The following ARHGAP39 variants were observed in gnomAD, a reference collection of about 807,000 sequenced individuals.
ARHGAP39 encodes Rho GTPase activating protein 39.
In ARHGAP39, 44 loss-of-function variants were observed where a neutral mutation model predicts 106.9. The ratio of observed to expected loss-of-function variants is 0.41; its 90% confidence interval spans 0.32 to 0.53. ARHGAP39 has a LOEUF of 0.53. Ranked by LOEUF, ARHGAP39 falls within the 20% of genes least tolerant of loss-of-function variation. The pLI is 0.21. For missense variants in ARHGAP39, 1,496 were observed against 1,577.3 expected, an observed-to-expected ratio of 0.95 and a Z score of 0.87; for synonymous variants, 768 against 693.2, an observed-to-expected ratio of 1.11 and a Z score of -1.69.
At chr8:144,654,311 C>A (rs926899899) in intron 1 of ARHGAP39, among the ~76,000 whole-genome samples, 2 of 151,720 alleles carry the variant, frequency 1.3e-5, no homozygotes, top group African/African-American at 4.8e-5. Flanking sequence ...GTGGGACCAG[C>A]CTGGGCAACA....
rs1818974764 is a variant in ARHGAP39, at chr8:144,581,190, C to T, written c.168G>A (p.Pro56=). Residue 56 remains proline (P), a synonymous_variant, in exon 3 of 12, where the codon CCG becomes CCA. Transcript: ENST00000377307. ...LVTGECVWDP[P]AGVRIKRTSE... is the part of the protein sequence containing the mutation. ...TGGTGCGCTTGATGCGGACGCCGGC[C>T]GGCGGGTCCCACACGCACTCACCGG... The T allele has an allele frequency of 6.4e-6, 10 of 1,559,598 alleles. No individual in the cohort carries two copies. The highest frequency in any genetic ancestry group is 8.7e-6 in the Non-Finnish European group (10 of 1,152,376).
At position 144,560,557 on chromosome 8, in the gene ARHGAP39, G is replaced by A. The variant is rs567457644; in HGVS notation, c.513-4914C>T. Among the ~76,000 whole-genome samples the A allele has an allele frequency of 8.5e-5, 13 of 152,350 alleles. No homozygotes were observed. The South Asian group carries it at 2.7e-3, about 32-fold the overall frequency. On this transcript the variant is annotated intron_variant, in intron 3 of 11. Transcript: ENST00000377307. ...TAGAAATATGGAATATGCCGAGATG[G>A]AAAACCATATAGGCAAAGACATCTA...
intron 1 of ARHGAP39, among the ~76,000 whole-genome samples, chr8:144,664,887 G>A (rs1332286700): frequency 6.6e-6 from 1 of 152,224 alleles, no homozygotes; most frequent in East Asian, 1.9e-4. Flanking sequence ...CTTGAGTGGG[G>A]TGTTGCTGAA....
At chr8:144,673,465 G>A (rs1411236484) in intron 1 of ARHGAP39, among the ~76,000 whole-genome samples, 1 of 152,168 alleles carries the variant, frequency 6.6e-6, no homozygotes, top group African/African-American at 2.4e-5. Flanking sequence ...TATATTCACA[G>A]ATATGTGCAA....
chr8:144,582,816 G>A (rs1015133228), intron 2 of ARHGAP39, among the ~76,000 whole-genome samples: 1 of 152,178 alleles, frequency 6.6e-6, no homozygotes, highest in Non-Finnish European at 1.5e-5. Flanking sequence ...GGGCTGCAGG[G>A]GAAGGCAGAT....
At chr8:144,552,076 C>T (rs989682579) in intron 4 of ARHGAP39, among the ~76,000 whole-genome samples, 1 of 152,202 alleles carries the variant, frequency 6.6e-6, no homozygotes, top group Non-Finnish European at 1.5e-5. Context: ...AGAAATCAAA[C>T]ATCACAACAC....
chr8:144,689,475 C>T (rs373058593), upstream of ARHGAP39, among the ~76,000 whole-genome samples: 6 of 139,922 alleles, frequency 4.3e-5, no homozygotes, highest in East Asian at 1.2e-3. Context: ...CTCACTCTGC[C>T]GCCCAGGCTG....
rs1586893506 is a variant in ARHGAP39, at chr8:144,549,665, G to T, written c.597-1176C>A. On this transcript the variant is annotated intron_variant, in intron 4 of 11. Coordinates refer to ENST00000377307, the MANE Select transcript of ARHGAP39 (RefSeq NM_025251.3). ...ACGCCACCAGGCCCAGCTAATTTTT[G>T]TATTTTTACTAGAGAGATGGGGTTT... Among the ~76,000 whole-genome samples, 3 of 152,176 alleles carry T rather than the reference G, an allele frequency of 2.0e-5. No homozygotes were observed. In the Middle Eastern group the frequency reaches 0.01, roughly 518 times the overall value.
At chr8:144,574,181 A>AGACGAGGAGGAG (rs112840672) in intron 3 of ARHGAP39, among the ~76,000 whole-genome samples, 13 of 148,068 alleles carry the variant, frequency 8.8e-5, no homozygotes, top group African/African-American at 3.1e-4. Context: ...AAGAAGATGA[A>AGACGAGGAGGAG]GATGAGGAGG....
intron 8 of ARHGAP39, 67 bp from the exon 9 acceptor site, chr8:144,533,392 G>T: frequency 6.6e-7 from 1 of 1,518,680 alleles, no homozygotes; most frequent in Non-Finnish European, 9.0e-7. Flanking sequence ...CACCCCGGTT[G>T]TCTTCTTTCC....
chr8:144,658,022 T>A (rs1292479847), intron 1 of ARHGAP39, among the ~76,000 whole-genome samples: 1 of 152,212 alleles, frequency 6.6e-6, no homozygotes, highest in Non-Finnish European at 1.5e-5. Flanking sequence ...GCATTAACAC[T>A]GCACTGGATA....
chr8:144,695,446 C>T, the ARHGAP39 span, among the ~76,000 whole-genome samples: 9 of 148,126 alleles, frequency 6.1e-5, no homozygotes, highest in East Asian at 2.0e-4. Flanking sequence ...ACAAGGACAC[C>T]GAGGCCCAGG....
intron 2 of ARHGAP39, among the ~76,000 whole-genome samples, chr8:144,590,577 AT>A (rs1261952891): frequency 6.6e-6 from 1 of 152,170 alleles, no homozygotes; most frequent in Non-Finnish European, 1.5e-5. Flanking sequence ...CCACCAGCCA[AT>A]TAAACGTCTT....
intron 1 of ARHGAP39, among the ~76,000 whole-genome samples, chr8:144,680,551 C>T (rs1329179404): frequency 6.6e-6 from 1 of 152,112 alleles, no homozygotes; most frequent in Non-Finnish European, 1.5e-5. Flanking sequence ...TTTTTAAGTT[C>T]CCCGAAAGCA....
intron 1 of ARHGAP39, among the ~76,000 whole-genome samples, chr8:144,659,811 G>A (rs1406204997): frequency 6.6e-6 from 1 of 152,060 alleles, no homozygotes; most frequent in Admixed American, 6.6e-5. Flanking sequence ...ACTTATTCAA[G>A]CCCCACTCTA....
chr8:144,649,691 T>C (rs570178860), intron 1 of ARHGAP39, among the ~76,000 whole-genome samples: 14 of 152,030 alleles, frequency 9.2e-5, no homozygotes, highest in African/African-American at 3.1e-4. Context: ...TGAGCTGAGA[T>C]TGCACCACTG....
Position 144,675,433 on chromosome 8 carries a change from G to A in ARHGAP39, c.-82+10253C>T, listed in dbSNP as rs370611092. 3.4e-4 allele frequency among the ~76,000 whole-genome samples: 52 copies of A among 152,272 alleles called. 1 individual carries two copies. In the South Asian group the frequency reaches 9.5e-3, roughly 28 times the overall value. On this transcript the variant is annotated intron_variant, in intron 1 of 11. Coordinates refer to ENST00000377307, the MANE Select transcript of ARHGAP39 (RefSeq NM_025251.3). ...TACAGCTCTTAAAGATGGTGTGTCC[G>A]GAGTTTGTTCCTTCTGGTGGGCTCG...
chr8:144,610,835 G>C (rs879383877), intron 1 of ARHGAP39, among the ~76,000 whole-genome samples: 3 of 151,892 alleles, frequency 2.0e-5, no homozygotes, highest in Non-Finnish European at 4.4e-5. Context: ...AAAGAGTTTT[G>C]AGATGGAGTC....
At chr8:144,545,915 G>A (rs954894501) in intron 5 of ARHGAP39, 105 bp from the exon 6 acceptor site, 11 of 1,015,324 alleles carry the variant, frequency 1.1e-5, no homozygotes, top group Non-Finnish European at 1.5e-5. Context: ...CCCCACCAGA[G>A]CCAGCCAGGT....
Sources: allele counts gnomAD v4.1 joint callset (sites outside exome capture counted in the v4.1 genomes callset), GRCh38; gene constraint gnomAD v4.1.1; transcripts MANE v1.5; gene names NCBI Gene and HGNC (gene_info 2026-07-23, HGNC 2026-07-21).